The following TBX15 variants were observed in gnomAD, a reference collection of about 807,000 sequenced individuals.
TBX15 encodes the protein T-box transcription factor 15, also known as T-box transcription factor TBX15.
TBX15 carries 18 observed loss-of-function variants against 53.9 expected under a neutral mutation model. The observed-to-expected ratio is 0.33, with a 90% CI of 0.23 to 0.49. TBX15 has a LOEUF of 0.49. Ranked by LOEUF, TBX15 falls within the 20% of genes least tolerant of loss-of-function variation. The probability of loss-of-function intolerance (pLI) is 0.98; values close to 1 mark genes in which losing one functional copy is unlikely to be tolerated. For synonymous variants in TBX15, 295 were observed against 278.0 expected, an observed-to-expected ratio of 1.06 and a Z score of -0.61; for missense variants, 692 against 749.5, an observed-to-expected ratio of 0.92 and a Z score of 0.90.
At chr1:118,960,206 G>C (rs1331714318) in intron 1 of TBX15, among the ~76,000 whole-genome samples, 1 of 152,164 alleles carries the variant, frequency 6.6e-6, no homozygotes, top group African/African-American at 2.4e-5. Flanking sequence ...TCTCCATCTT[G>C]CTGTGTTTAT....
chr1:118,903,205 C>T (rs1654694496), intron 6 of TBX15, among the ~76,000 whole-genome samples: 1 of 152,094 alleles, frequency 6.6e-6, no homozygotes, highest in Non-Finnish European at 1.5e-5. Context: ...TCAGGCTGCT[C>T]ACTAGCCAAA....
At chr1:118,945,641 G>T (rs1373719828) in intron 1 of TBX15, among the ~76,000 whole-genome samples, 1 of 152,166 alleles carries the variant, frequency 6.6e-6, no homozygotes, top group African/African-American at 2.4e-5. Flanking sequence ...AGAGAATGTG[G>T]TTTTAGGATC....
At chr1:118,969,129 G>A (rs1001067909) in intron 1 of TBX15, among the ~76,000 whole-genome samples, 2 of 152,146 alleles carry the variant, frequency 1.3e-5, no homozygotes, top group African/African-American at 2.4e-5. Flanking sequence ...CCTTAGCATC[G>A]TGGACAAATG....
chr1:118,910,032 A>C (rs12127088), intron 6 of TBX15, among the ~76,000 whole-genome samples: 20,307 of 152,176 alleles, frequency 0.13, 1,544 homozygotes, highest in Middle Eastern at 0.29. Context: ...TTATGGGCTG[A>C]GAGAGACTCT....
At chr1:118,947,392 G>A (rs545805660) in intron 1 of TBX15, among the ~76,000 whole-genome samples, 32 of 152,230 alleles carry the variant, frequency 2.1e-4, no homozygotes, top group Non-Finnish European at 4.3e-4. Context: ...ATGGTGAAAG[G>A]AACTCTGGAT....
intron 1 of TBX15, among the ~76,000 whole-genome samples, chr1:118,944,434 G>A (rs1656281631): frequency 6.6e-6 from 1 of 152,092 alleles, no homozygotes; most frequent in South Asian, 2.1e-4. Context: ...TCATTCCATG[G>A]TCAACATCTT....
In TBX15 at chr1:118,911,870, C is replaced by T. The variant is rs142235791; in HGVS notation, c.926+2245G>A. The stretch of plus-strand genomic sequence containing the variant: ...TTTTGCAACATTCATGGCATCTTAT[C>T]AGGACACCATCCCTATTCACACTGT... On this transcript the variant is annotated intron_variant, in intron 6 of 7. Transcript: ENST00000369429. 8.6e-4 allele frequency among the ~76,000 whole-genome samples: 131 copies of T among 152,316 alleles called. 2 individuals carry two copies. In the East Asian group the frequency reaches 0.019, roughly 23 times the overall value.
At chr1:118,888,629 G>T (rs1044144634) in intron 7 of TBX15, among the ~76,000 whole-genome samples, 17 of 152,208 alleles carry the variant, frequency 1.1e-4, no homozygotes, top group African/African-American at 3.6e-4. Context: ...GACTCCAGCT[G>T]TAAAGAGATT....
chr1:118,891,071 A>C, intron 7 of TBX15: 1 of 436,340 alleles, frequency 2.3e-6, no homozygotes, highest in Non-Finnish European at 3.7e-6. Context: ...TCATCTCAAC[A>C]AAAGAATTAC....
chr1:118,912,017 T>C (rs1422075664), intron 6 of TBX15, among the ~76,000 whole-genome samples: 1 of 152,208 alleles, frequency 6.6e-6, no homozygotes, highest in African/African-American at 2.4e-5. Flanking sequence ...ATGGTTAAAG[T>C]ATGTTCAGAT....
intron 6 of TBX15, among the ~76,000 whole-genome samples, chr1:118,910,855 A>G (rs897561977): frequency 2.6e-5 from 4 of 152,132 alleles, no homozygotes; most frequent in African/African-American, 9.7e-5. Flanking sequence ...CCTGTTCTCT[A>G]CTAGGAAAAC....
At chr1:118,909,276 T>C (rs1654948714) in intron 6 of TBX15, among the ~76,000 whole-genome samples, 1 of 152,128 alleles carries the variant, frequency 6.6e-6, no homozygotes, top group Non-Finnish European at 1.5e-5. Context: ...GATAAAGGTG[T>C]TTGGGGGTTG....
At chr1:118,920,486 C>T (rs925177427) in intron 5 of TBX15, among the ~76,000 whole-genome samples, 1 of 152,144 alleles carries the variant, frequency 6.6e-6, no homozygotes, top group Non-Finnish European at 1.5e-5. Context: ...CAGATTGCGA[C>T]ACTCTTGCAG....
At chr1:118,950,181 C>A (rs1656471132) in intron 1 of TBX15, among the ~76,000 whole-genome samples, 1 of 152,198 alleles carries the variant, frequency 6.6e-6, no homozygotes, top group South Asian at 2.1e-4. Flanking sequence ...TCTTCAGTGG[C>A]AGAAGGAACC....
In TBX15 at chr1:118,885,444, A is replaced by G. The variant is rs1302449775; in HGVS notation, c.1097T>C (p.Leu366Ser). The change falls in exon 8 of 8, where the codon TTA becomes TCA. Residue 366 changes from leucine to serine, a missense_variant. Physicochemically the swap from Leu to Ser is moderately radical, Grantham distance 145. Transcript: ENST00000369429. Reference sequence around the variant, plus strand: ...AGTTGGAGGAGAACAGGATGGAGATAAAAGATGAGAAGAAGCCGAAGGGGA... The same window carrying G: ...AGTTGGAGGAGAACAGGATGGAGATGAAAGATGAGAAGAAGCCGAAGGGGA... ...TPSPSASSHL[L>S]SPSCSPPTFH... 3.7e-6 allele frequency: 6 copies of G among 1,611,736 alleles called. No homozygotes were observed. The highest frequency in any genetic ancestry group is 3.3e-5 in the South Asian group (3 of 90,600).
chr1:118,912,085 T>C (rs950980879), intron 6 of TBX15, among the ~76,000 whole-genome samples: 4 of 152,030 alleles, frequency 2.6e-5, no homozygotes, highest in African/African-American at 7.3e-5. Context: ...AGAAATCAAA[T>C]TCAACTTTAG....
intron 1 of TBX15, among the ~76,000 whole-genome samples, chr1:118,944,695 C>T (rs1656290832): frequency 6.6e-6 from 1 of 152,204 alleles, no homozygotes; most frequent in Non-Finnish European, 1.5e-5. Flanking sequence ...CCTGTCCCTG[C>T]CTAGGAAGAC....
chr1:118,927,568 A>G (rs563162255), intron 2 of TBX15, among the ~76,000 whole-genome samples: 1 of 152,186 alleles, frequency 6.6e-6, no homozygotes, highest in Non-Finnish European at 1.5e-5. Flanking sequence ...CGTGTGTGTC[A>G]GAGGAAGGAC....
intron 1 of TBX15, among the ~76,000 whole-genome samples, chr1:118,960,719 T>C (rs1163607995): frequency 6.6e-6 from 1 of 152,124 alleles, no homozygotes; most frequent in Non-Finnish European, 1.5e-5. Flanking sequence ...GATCAGGGCT[T>C]CGTGTTCCAA....
Sources: gnomAD v4.1 joint callset for allele counts (sites outside exome capture counted in the v4.1 genomes callset) on GRCh38, gnomAD v4.1.1 for gene constraint, MANE v1.5 for transcripts, NCBI Gene and HGNC (gene_info 2026-07-23, HGNC 2026-07-21) for gene names.